The following TSHZ3 variants were observed in gnomAD, a reference collection of about 807,000 sequenced individuals.
TSHZ3 encodes teashirt zinc finger homeobox 3, also known as teashirt homolog 3.
In TSHZ3, 10 loss-of-function variants were observed where a neutral mutation model predicts 64.5. The ratio of observed to expected loss-of-function variants is 0.16; its 90% confidence interval spans 0.10 to 0.26. The LOEUF (loss-of-function observed/expected upper bound fraction) is 0.26. Ranked by LOEUF, TSHZ3 falls within the 10% of genes least tolerant of loss-of-function variation. The pLI is 1.00. For missense variants in TSHZ3, 1,242 were observed against 1,421.7 expected (o/e 0.87, Z 2.03); for synonymous variants, 608 against 593.1 (o/e 1.03, Z -0.36).
chr19:31,246,386 T>C lies in TSHZ3; in HGVS notation n.64-3511A>G, dbSNP rs529167876. 2.0e-5 allele frequency among the ~76,000 whole-genome samples: 3 copies of C among 152,362 alleles called. No homozygotes were observed. The East Asian group carries it at 5.8e-4, about 29-fold the overall frequency. Reference sequence around the variant, plus strand: ...TCATGTATTACTTGTGCAATTCACATAAATTTGACAGTAAAAATTAAAATA... The same window carrying C: ...TCATGTATTACTTGTGCAATTCACACAAATTTGACAGTAAAAATTAAAATA... On this transcript the variant is annotated intron_variant and non_coding_transcript_variant, in intron 1 of 6. Coordinates refer to the TSHZ3 transcript ENST00000651361.
At chr19:31,312,301 G>A (rs985849695) in intron 1 of TSHZ3, among the ~76,000 whole-genome samples, 2 of 152,230 alleles carry the variant, frequency 1.3e-5, no homozygotes, top group East Asian at 1.9e-4. Flanking sequence ...CTAGAGCTAT[G>A]CTGTCCATGG....
chr19:31,341,630 GACACAC>G (rs57786287), intron 1 of TSHZ3, among the ~76,000 whole-genome samples: 18,058 of 137,956 alleles, frequency 0.13, 1,232 homozygotes, highest in Middle Eastern at 0.21. Flanking sequence ...CTCTCTCTCT[GACACAC>G]ACACACACAC....
chr19:31,251,641 C>CT (rs1174062908), intron 1 of TSHZ3, among the ~76,000 whole-genome samples: 1 of 152,216 alleles, frequency 6.6e-6, no homozygotes, highest in Non-Finnish European at 1.5e-5. Flanking sequence ...ATATGGGTTC[C>CT]TGGAACCTTT....
chr19:31,285,336 C>T (rs1000492879), intron 1 of TSHZ3, among the ~76,000 whole-genome samples: 4 of 151,914 alleles, frequency 2.6e-5, no homozygotes, highest in East Asian at 1.9e-4. Context: ...AAAAATTAAC[C>T]GGGCATGGTG....
At chr19:31,295,950 T>G (rs1429095618) in intron 1 of TSHZ3, among the ~76,000 whole-genome samples, 1 of 144,154 alleles carries the variant, frequency 6.9e-6, no homozygotes, top group African/African-American at 2.6e-5. Context: ...TCCCATCTAG[T>G]AGGCCCCAGT....
intron 1 of TSHZ3, among the ~76,000 whole-genome samples, chr19:31,280,203 C>T (rs1051638304): frequency 1.3e-5 from 2 of 152,102 alleles, no homozygotes; most frequent in Non-Finnish European, 2.9e-5. Context: ...TTAAATTAAG[C>T]AAGCATTTTT....
At chr19:31,211,861 G>A (rs1975262474) in intron 4 of TSHZ3, among the ~76,000 whole-genome samples, 1 of 152,142 alleles carries the variant, frequency 6.6e-6, no homozygotes, top group African/African-American at 2.4e-5. Flanking sequence ...AGCAACAGAA[G>A]GATCAAGGGA....
intron 1 of TSHZ3, among the ~76,000 whole-genome samples, chr19:31,346,460 C>A (rs148528811): frequency 6.6e-6 from 1 of 152,324 alleles, no homozygotes; most frequent in African/African-American, 2.4e-5. Flanking sequence ...TTAAAGCTGT[C>A]AGGAATCCAT....
intron 5 of TSHZ3, among the ~76,000 whole-genome samples, chr19:31,193,308 T>C (rs1481893004): frequency 1.3e-5 from 2 of 152,148 alleles, no homozygotes; most frequent in African/African-American, 4.8e-5. Flanking sequence ...GGAAGCAGTC[T>C]CTGTCAGTAA....
At chr19:31,322,132 G>A (rs147030489) in intron 1 of TSHZ3, among the ~76,000 whole-genome samples, 1 of 152,036 alleles carries the variant, frequency 6.6e-6, no homozygotes, top group African/African-American at 2.4e-5. Context: ...TTTTATGTTT[G>A]TTTGTTTTTT....
chr19:31,219,601 T>C (rs73927310), intron 4 of TSHZ3, among the ~76,000 whole-genome samples: 2,631 of 152,244 alleles, frequency 0.017, 74 homozygotes, highest in African/African-American at 0.059. Context: ...AAATGTGGCC[T>C]GTGCAATGGC....
intron 1 of TSHZ3, among the ~76,000 whole-genome samples, chr19:31,250,595 C>T (rs2145191204): frequency 6.6e-6 from 1 of 152,334 alleles, no homozygotes; most frequent in Admixed American, 6.5e-5. Flanking sequence ...ATCTACAATT[C>T]TAAGTGGAAT....
chr19:31,246,225 G>GT (rs1164720088), intron 1 of TSHZ3, among the ~76,000 whole-genome samples: 5 of 152,082 alleles, frequency 3.3e-5, no homozygotes, highest in African/African-American at 9.7e-5. Flanking sequence ...ATTTCTGTGG[G>GT]TGTATAAGGC....
At chr19:31,213,723 C>G (rs538372699) in intron 4 of TSHZ3, among the ~76,000 whole-genome samples, 2 of 152,102 alleles carry the variant, frequency 1.3e-5, no homozygotes, top group Admixed American at 6.5e-5. Context: ...GAAATAAAGT[C>G]TATTTAAAAG....
At chr19:31,320,061 C>A (rs538849078) in intron 1 of TSHZ3, among the ~76,000 whole-genome samples, 6 of 141,068 alleles carry the variant, frequency 4.3e-5, no homozygotes, top group African/African-American at 1.9e-4. Flanking sequence ...GGAGCTCACA[C>A]CCTGAAACAT....
chr19:31,214,909 GAAAAAA>G (rs950173415), intron 4 of TSHZ3, among the ~76,000 whole-genome samples: 4 of 41,856 alleles, frequency 9.6e-5, no homozygotes, highest in African/African-American at 2.3e-4. Context: ...CTCTGTCTCA[GAAAAAA>G]AAAAAAAAAA....
At chr19:31,288,074 A>G (rs1976495658) in intron 1 of TSHZ3, among the ~76,000 whole-genome samples, 1 of 152,114 alleles carries the variant, frequency 6.6e-6, no homozygotes, top group African/African-American at 2.4e-5. Flanking sequence ...AGCTAGGACT[A>G]CAGGCACTAG....
At chr19:31,231,067 G>A (rs996255735) in intron 3 of TSHZ3, among the ~76,000 whole-genome samples, 1 of 151,980 alleles carries the variant, frequency 6.6e-6, no homozygotes, top group African/African-American at 2.4e-5. Flanking sequence ...TAATAATAAT[G>A]AGGATGATCA....
chr19:31,181,709 A>G (rs1599565541), intron 5 of TSHZ3, among the ~76,000 whole-genome samples: 1 of 152,324 alleles, frequency 6.6e-6, no homozygotes, highest in East Asian at 1.9e-4. Context: ...GAAAAATGCA[A>G]TGAGGAAGTG....
Sources: gnomAD v4.1 joint callset for allele counts (sites outside exome capture counted in the v4.1 genomes callset) on GRCh38, gnomAD v4.1.1 for gene constraint, MANE v1.5 for transcripts, NCBI Gene and HGNC (gene_info 2026-07-23, HGNC 2026-07-21) for gene names.